Variants in CHDH observed in about 807,000 individuals in gnomAD.
CHDH encodes the protein choline dehydrogenase, mitochondrial.
CHDH carries 43 observed loss-of-function variants against 56.9 expected under a neutral mutation model. That is an observed-to-expected ratio of 0.76 (90% CI 0.59 to 0.97). CHDH has a LOEUF of 0.97. CHDH is among the 50% of genes least tolerant of loss of function. The pLI is 0.00. For missense variants in CHDH, 816 were observed against 821.1 expected, an observed-to-expected ratio of 0.99 and a Z score of 0.08; for synonymous variants, 364 against 348.5, an observed-to-expected ratio of 1.04 and a Z score of -0.50.
At chr3:53,826,562 A>ATGAT (rs1237077098) in intron 2 of CHDH, among the ~76,000 whole-genome samples, 1 of 152,248 alleles carries the variant, frequency 6.6e-6, no homozygotes, top group Non-Finnish European at 1.5e-5. Context: ...CATCCATTAA[A>ATGAT]TGATAGAAAC....
chr3:53,818,427 G>A (rs2095619771), intron 8 of CHDH, among the ~76,000 whole-genome samples: 1 of 152,196 alleles, frequency 6.6e-6, no homozygotes, highest in Non-Finnish European at 1.5e-5. Context: ...CCACCCAGAG[G>A]CCCAGGTTTA....
Position 53,840,948 on chromosome 3 carries a change from G to C in CHDH, c.-79C>G, listed in dbSNP as rs1698653449. 1.3e-5 allele frequency: 2 copies of C among 152,080 alleles called. No individual in the cohort carries two copies. The highest frequency in any genetic ancestry group is 2.9e-5 in the Non-Finnish European group (2 of 68,006). The allele number at this position is 152,080 out of a possible 1,614,324, so 9.4% of individuals were successfully genotyped here. A position where few individuals can be genotyped will look rare whatever the true frequency, so the allele number is the denominator to read the frequency against. ...ACCCACCTCACATCCAGAAGTGACA[G>C]GATACGGTGCACTCTGTGACCGGGG... On this transcript the variant is annotated 5_prime_UTR_variant, in exon 2 of 9. Coordinates refer to ENST00000315251, the MANE Select transcript of CHDH (RefSeq NM_018397.5).
intron 2 of CHDH, among the ~76,000 whole-genome samples, chr3:53,828,035 C>A (rs1049217066): frequency 1.3e-5 from 2 of 152,070 alleles, no homozygotes; most frequent in Admixed American, 1.3e-4. Flanking sequence ...GTGAATAGAT[C>A]AATGGAACAG....
chr3:53,828,162 GACACACACACACACACACAC>G (rs60594351), intron 2 of CHDH, among the ~76,000 whole-genome samples: 2 of 145,248 alleles, frequency 1.4e-5, no homozygotes, highest in South Asian at 2.2e-4. Flanking sequence ...GGAATAACTA[GACACACACACACACACACAC>G]ACACACACAC....
At chr3:53,838,012 G>C (rs4687750) in intron 2 of CHDH, among the ~76,000 whole-genome samples, 1 of 144,666 alleles carries the variant, frequency 6.9e-6, no homozygotes, top group African/African-American at 2.6e-5. Flanking sequence ...AGCCAAGATC[G>C]TATCACTGCA....
rs781194866 is a variant in CHDH, at chr3:53,823,671, C to T, written c.338G>A (p.Arg113Gln). The T allele has an allele frequency of 1.5e-5, 23 of 1,546,668 alleles. No homozygotes were observed. The highest frequency in any genetic ancestry group is 1.9e-5 in the Non-Finnish European group (22 of 1,146,598). ...YNWCYHTEVQ[R>Q]GLDGRVLYWP... ...GTACAGCACGCGGCCGTCCAGGCCC[C>T]GCTGCACCTCTGTGTGGTAGCACCA... The change falls in exon 3 of 9, where the codon CGG becomes CAG. Residue 113 changes from arginine to glutamine, a missense_variant. Transcript: ENST00000315251.
rs368948549 is a variant in CHDH at position 53,823,452 on chromosome 3, G to A, written c.557C>T (p.Pro186Leu). Residue 186 changes from proline to leucine, a missense_variant, in exon 3 of 9, where the codon CCG (proline) becomes CTG (leucine). Pro to Leu is a moderately conservative substitution (Grantham distance 98). Coordinates refer to ENST00000315251, the MANE Select transcript of CHDH (RefSeq NM_018397.5). ...GGTCTTGCCCCGGGACACCCGCAGCGGGCCATCGGCGCCCCGGTACCGGCT... is the reference window on the plus strand; with the variant it reads ...GGTCTTGCCCCGGGACACCCGCAGCAGGCCATCGGCGCCCCGGTACCGGCT... ...GASRYRGADGPLRVSRGKTNH... is the reference protein window; with the variant it reads ...GASRYRGADGLLRVSRGKTNH... 134 of 1,562,804 alleles carry A rather than the reference G, an allele frequency of 8.6e-5. No individual in the cohort carries two copies. The highest frequency in any genetic ancestry group is 3.9e-4 in the African/African-American group (29 of 73,462).
Position 53,823,932 on chromosome 3 carries a change from C to T in CHDH, c.77G>A (p.Gly26Asp), listed in dbSNP as rs1314801227. 1 of 1,541,852 alleles carries T rather than the reference C, an allele frequency of 6.5e-7. No individual in the cohort carries two copies. The highest frequency in any genetic ancestry group is 2.0e-5 in the Admixed American group (1 of 50,600). The change falls in exon 3 of 9, where the codon GGT becomes GAT. Residue 26 changes from glycine to aspartate, a missense_variant. Transcript: ENST00000315251. ...RGALGQQQSLGARALASAGSE... is the reference protein window; with the variant it reads ...RGALGQQQSLDARALASAGSE... ...GCCTGCGCTGGCCAGGGCCCGGGCA[C>T]CCAGGGATTGCTGCTGCCCCAGGGC... is the stretch of plus-strand genomic sequence containing the variant.
rs1346371926 is a variant in CHDH, at chr3:53,816,345, T to A, written c.*1432A>T. The stretch of plus-strand genomic sequence containing the variant: ...TATTTTCATTACCTTGTCAGAACAG[T>A]CTGGAGAAGGCATCTCAGTTCAAAT... On this transcript the variant is annotated 3_prime_UTR_variant, in exon 9 of 9. Coordinates refer to ENST00000315251, the MANE Select transcript of CHDH (RefSeq NM_018397.5). 2.0e-5 allele frequency: 3 copies of A among 152,236 alleles called. No individual in the cohort carries two copies. The highest frequency in any genetic ancestry group is 6.5e-5 in the Admixed American group (1 of 15,286). 9.4% of individuals were successfully genotyped at this position (152,236 alleles called of 1,614,324 possible).
intron 2 of CHDH, among the ~76,000 whole-genome samples, chr3:53,827,035 C>T (rs2095640250): frequency 6.6e-6 from 1 of 152,178 alleles, no homozygotes; most frequent in African/African-American, 2.4e-5. Context: ...AACCCCAACA[C>T]TTTGGGAGGC....
chr3:53,835,582 C>G (rs56063479), intron 2 of CHDH, among the ~76,000 whole-genome samples: 3 of 152,350 alleles, frequency 2.0e-5, no homozygotes, highest in African/African-American at 7.2e-5. Flanking sequence ...ATCTGGCCTT[C>G]TAGTACTGGC....
At chr3:53,832,455 C>A (rs1219735474) in intron 2 of CHDH, among the ~76,000 whole-genome samples, 1 of 151,898 alleles carries the variant, frequency 6.6e-6, no homozygotes, top group Non-Finnish European at 1.5e-5. Context: ...TGGTGTGAAC[C>A]CAGGAGGCGG....
rs936606138 is a variant in CHDH at position 53,846,384 on chromosome 3, G to C, written c.-432C>G. On this transcript the variant is annotated 5_prime_UTR_variant, in exon 1 of 9. Transcript: ENST00000315251. Reference sequence around the variant, plus strand: ...GGCGGCCCGTGCTCCGCCAGCGCTCGGACACGGCCCATCCCTCCGAGCCCC... The same window carrying C: ...GGCGGCCCGTGCTCCGCCAGCGCTCCGACACGGCCCATCCCTCCGAGCCCC... 1.2e-5 allele frequency: 6 copies of C among 492,234 alleles called. No homozygotes were observed. Among genetic ancestry groups the C allele is most frequent in the East Asian group, 3.6e-5 (1 of 27,416 alleles). 30.5% of individuals were successfully genotyped at this position (492,234 alleles called of 1,614,324 possible). A position where few individuals can be genotyped will look rare whatever the true frequency, so the allele number is the denominator to read the frequency against.
intron 2 of CHDH, among the ~76,000 whole-genome samples, chr3:53,832,261 G>A (rs1698357093): frequency 1.3e-5 from 2 of 152,210 alleles, no homozygotes; most frequent in African/African-American, 4.8e-5. Flanking sequence ...GCCGGGCATG[G>A]TGGCTCACGC....
In CHDH at chr3:53,814,212, C is replaced by T. The variant is rs1431116972; in HGVS notation, c.*3565G>A. On this transcript the variant is annotated 3_prime_UTR_variant, in exon 9 of 9. Coordinates refer to ENST00000315251, the MANE Select transcript of CHDH (RefSeq NM_018397.5). Reference sequence around the variant, plus strand: ...TTTCACCTTGTGTACTTCTCAGCATCGTAAGTGTCTTTGCCAATTGCATTT... The same window carrying T: ...TTTCACCTTGTGTACTTCTCAGCATTGTAAGTGTCTTTGCCAATTGCATTT... The T allele has an allele frequency of 6.6e-6, 1 of 152,170 alleles. No individual in the cohort carries two copies. Among genetic ancestry groups the T allele is most frequent in the Non-Finnish European group, 1.5e-5 (1 of 68,046 alleles). The allele number at this position is 152,170 out of a possible 1,614,324, so 9.4% of individuals were successfully genotyped here.
At chr3:53,825,884 C>T (rs2095638155) in intron 2 of CHDH, among the ~76,000 whole-genome samples, 1 of 151,694 alleles carries the variant, frequency 6.6e-6, no homozygotes, top group African/African-American at 2.4e-5. Flanking sequence ...GTAAAATTCT[C>T]AGAAAACATG....
chr3:53,842,058 G>T (rs1216477894), intron 1 of CHDH, among the ~76,000 whole-genome samples: 1 of 151,746 alleles, frequency 6.6e-6, no homozygotes, highest in African/African-American at 2.4e-5. Context: ...TCAGAGGGTT[G>T]CTTGAGCCCA....
chr3:53,838,325 C>T (rs1322301625), intron 2 of CHDH, among the ~76,000 whole-genome samples: 4 of 152,110 alleles, frequency 2.6e-5, no homozygotes, highest in Non-Finnish European at 2.9e-5. Context: ...CAGAGTCAAG[C>T]ACCTGATAGA....
At chr3:53,845,440 C>T (rs1698833990) in intron 1 of CHDH, among the ~76,000 whole-genome samples, 2 of 152,218 alleles carry the variant, frequency 1.3e-5, no homozygotes, top group African/African-American at 4.8e-5. Context: ...CTAATTCTGC[C>T]TACAAGTTTA....
Sources: gnomAD v4.1 joint callset for allele counts (sites outside exome capture counted in the v4.1 genomes callset) on GRCh38, gnomAD v4.1.1 for gene constraint, MANE v1.5 for transcripts, NCBI Gene and HGNC (gene_info 2026-07-23, HGNC 2026-07-21) for gene names.